ROBO1: variants seen among roughly 807,000 people sequenced by gnomAD.
The protein encoded by ROBO1 is roundabout guidance receptor 1.
Under a neutral mutation model 195.9 loss-of-function variants are expected in ROBO1, and 149 were observed. That is an observed-to-expected ratio of 0.76 (90% CI 0.67 to 0.87). The LOEUF (loss-of-function observed/expected upper bound fraction) is 0.87, where lower values mean the gene tolerates loss of function less well. Among genes scored for constraint, ROBO1 ranks in the 40% least tolerant of loss-of-function variants. The pLI, the probability that ROBO1 is intolerant of heterozygous loss-of-function variation, is 0.00. For synonymous variants in ROBO1, 816 were observed against 733.2 expected (o/e 1.11, Z -1.82); for missense variants, 1,933 against 2,068.3 (o/e 0.93, Z 1.27).
chr3:79,760,951 G>A (rs1475926359), intron 1 of ROBO1, among the ~76,000 whole-genome samples: 1 of 151,188 alleles, frequency 6.6e-6, no homozygotes, highest in African/African-American at 2.4e-5. Flanking sequence ...AGTGAGACAT[G>A]TGCCAAAAAA....
At chr3:78,768,905 C>G (rs1438675210) in intron 4 of ROBO1, among the ~76,000 whole-genome samples, 5 of 147,172 alleles carry the variant, frequency 3.4e-5, no homozygotes, top group Non-Finnish European at 7.4e-5. Context: ...TGAGAATATG[C>G]GGTGTTTGGT....
chr3:78,794,154 C>T (rs2084111935), intron 4 of ROBO1, among the ~76,000 whole-genome samples: 1 of 152,094 alleles, frequency 6.6e-6, no homozygotes, highest in African/African-American at 2.4e-5. Context: ...ATTTTGAAAT[C>T]CTACTGTCTG....
chr3:79,342,794 G>C (rs995200278), intron 2 of ROBO1, among the ~76,000 whole-genome samples: 1 of 152,094 alleles, frequency 6.6e-6, no homozygotes, highest in African/African-American at 2.4e-5. Flanking sequence ...GCTTTCCCCA[G>C]TATCAACATC....
At chr3:78,889,811 CAA>C (rs2107351866) in intron 4 of ROBO1, among the ~76,000 whole-genome samples, 1 of 151,328 alleles carries the variant, frequency 6.6e-6, no homozygotes, top group Non-Finnish European at 1.5e-5. Flanking sequence ...ATACAGGATC[CAA>C]AAGACACTAG....
chr3:78,773,215 A>G (rs1033134274), intron 4 of ROBO1, among the ~76,000 whole-genome samples: 1 of 152,106 alleles, frequency 6.6e-6, no homozygotes, highest in African/African-American at 2.4e-5. Flanking sequence ...TGGAGAGAAA[A>G]CAAAGAGATA....
chr3:78,689,935 T>G (rs546768528), intron 8 of ROBO1, among the ~76,000 whole-genome samples: 2 of 151,104 alleles, frequency 1.3e-5, no homozygotes, highest in African/African-American at 2.4e-5. Context: ...TTTGAAAAGA[T>G]ACTTTTCTTT....
intron 8 of ROBO1, among the ~76,000 whole-genome samples, chr3:78,711,440 T>TTTCCTTCCTTCCTTCCTTCC (rs138527299): frequency 1.9e-4 from 8 of 41,650 alleles, no homozygotes; most frequent in Admixed American, 3.2e-4. Context: ...TCTTTCTTTC[T>TTTCCTTCCTTCCTTCCTTCC]TTCCTTCCTT....
At chr3:79,145,664 G>A (rs2080633374) in intron 2 of ROBO1, among the ~76,000 whole-genome samples, 1 of 151,920 alleles carries the variant, frequency 6.6e-6, no homozygotes, top group African/African-American at 2.4e-5. Flanking sequence ...TTCTGTGAAA[G>A]AGACTGAAAG....
chr3:79,625,739 C>T (rs569279716), intron 1 of ROBO1, among the ~76,000 whole-genome samples: 20 of 152,082 alleles, frequency 1.3e-4, no homozygotes, highest in African/African-American at 2.9e-4. Context: ...CAAAAAAAGA[C>T]GAGGACCAGA....
chr3:78,660,460 C>T (rs1442087350), intron 16 of ROBO1: 1 of 152,646 alleles, frequency 6.6e-6, no homozygotes, highest in East Asian at 1.9e-4. Context: ...ATGATAATTA[C>T]TTATACAGCC....
chr3:78,874,430 A>G (rs1025251783), intron 4 of ROBO1, among the ~76,000 whole-genome samples: 7 of 151,998 alleles, frequency 4.6e-5, no homozygotes, highest in African/African-American at 1.7e-4. Context: ...TTACCTCAAA[A>G]TTTGCATTAT....
At chr3:78,834,561 T>G (rs2032527078) in intron 4 of ROBO1, among the ~76,000 whole-genome samples, 1 of 151,654 alleles carries the variant, frequency 6.6e-6, no homozygotes, top group Non-Finnish European at 1.5e-5. Context: ...ATGTATTCAT[T>G]TCATCATCAG....
At chr3:79,311,647 C>A (rs1202637938) in intron 2 of ROBO1, among the ~76,000 whole-genome samples, 2 of 151,600 alleles carry the variant, frequency 1.3e-5, no homozygotes, top group African/African-American at 4.9e-5. Flanking sequence ...AAGATTTTAT[C>A]ATTTGTATGC....
chr3:79,045,177 T>A (rs2078567299), intron 3 of ROBO1, among the ~76,000 whole-genome samples: 1 of 152,048 alleles, frequency 6.6e-6, no homozygotes, highest in Non-Finnish European at 1.5e-5. Context: ...ATAAAAATAC[T>A]GAGTTAAAAG....
At chr3:78,918,009 C>A (rs2038721998) in intron 4 of ROBO1, among the ~76,000 whole-genome samples, 2 of 152,078 alleles carry the variant, frequency 1.3e-5, no homozygotes, top group South Asian at 4.1e-4. Context: ...AAGTATGTAG[C>A]CCAGAAATGC....
intron 2 of ROBO1, among the ~76,000 whole-genome samples, chr3:79,398,498 A>G (rs1325294786): frequency 6.6e-6 from 1 of 152,142 alleles, no homozygotes; most frequent in African/African-American, 2.4e-5. Flanking sequence ...TTCCTCTGTG[A>G]TGTGACTTCT....
intron 3 of ROBO1, among the ~76,000 whole-genome samples, chr3:78,965,858 T>TA (rs1302738744): frequency 6.6e-6 from 1 of 152,222 alleles, no homozygotes; most frequent in African/African-American, 2.4e-5. Flanking sequence ...AATGTCCTAT[T>TA]ATGTGCTCTT....
chr3:79,091,918 G>A (rs2079486186), intron 3 of ROBO1, among the ~76,000 whole-genome samples: 1 of 152,130 alleles, frequency 6.6e-6, no homozygotes, highest in Non-Finnish European at 1.5e-5. Context: ...TCCACCTCAG[G>A]TATCAGAGGG....
chr3:78,678,444 G>C (rs948169355), intron 10 of ROBO1, among the ~76,000 whole-genome samples: 1 of 151,910 alleles, frequency 6.6e-6, no homozygotes, highest in African/African-American at 2.4e-5. Flanking sequence ...TAATAAAGAG[G>C]AAAAGAGAGA....
Sources: allele counts gnomAD v4.1 joint callset (sites outside exome capture counted in the v4.1 genomes callset), GRCh38; gene constraint gnomAD v4.1.1; transcripts MANE v1.5; gene names NCBI Gene and HGNC (gene_info 2026-07-23, HGNC 2026-07-21).